ELL2: variants seen among roughly 807,000 people sequenced by gnomAD.
ELL2 encodes elongation factor for RNA polymerase II 2, also known as RNA polymerase II elongation factor ELL2.
A neutral mutation model predicts 72.8 loss-of-function variants in ELL2; 21 were observed. The ratio of observed to expected loss-of-function variants is 0.29; its 90% CI spans 0.20 to 0.42. The LOEUF (loss-of-function observed/expected upper bound fraction) is 0.42, where lower values mean the gene tolerates loss of function less well. ELL2 is among the 10% of genes least tolerant of loss of function. ELL2 has a pLI of 1.00. For synonymous variants in ELL2, 266 were observed against 283.2 expected (o/e 0.94, Z 0.61); for missense variants, 568 against 772.8 (o/e 0.73, Z 3.14).
At chr5:95,927,488 T>G (rs1263703455) in intron 2 of ELL2, among the ~76,000 whole-genome samples, 1 of 33,498 alleles carries the variant, frequency 3.0e-5, no homozygotes, top group Non-Finnish European at 4.9e-5. Context: ...CACACACGTG[T>G]GTATATAGAC....
At chr5:95,958,636 G>C (rs1297410338) in intron 1 of ELL2, among the ~76,000 whole-genome samples, 1 of 152,176 alleles carries the variant, frequency 6.6e-6, no homozygotes. Flanking sequence ...AGCTGGTTAA[G>C]GATGGTCAGC....
intron 1 of ELL2, among the ~76,000 whole-genome samples, chr5:95,954,765 C>T (rs960106132): frequency 4.6e-5 from 7 of 151,674 alleles, no homozygotes; most frequent in Non-Finnish European, 7.4e-5. Context: ...TCTATAGACT[C>T]TATTCATCTC....
chr5:95,907,296 A>ATATATATATATATATATTTTTT, intron 4 of ELL2, among the ~76,000 whole-genome samples: 37 of 116,478 alleles, frequency 3.2e-4, no homozygotes, highest in African/African-American at 1.3e-3. Flanking sequence ...ATATATATAT[A>ATATATATATATATATATTTTTT]TTTTTTTTTT....
At chr5:95,911,265 A>C (rs2112297668) in intron 4 of ELL2, among the ~76,000 whole-genome samples, 1 of 152,354 alleles carries the variant, frequency 6.6e-6, no homozygotes, top group East Asian at 1.9e-4. Context: ...ACAGTAAAAA[A>C]AAAAATCAAA....
intron 2 of ELL2, among the ~76,000 whole-genome samples, chr5:95,933,788 G>C (rs1023421430): frequency 4.7e-5 from 7 of 150,444 alleles, no homozygotes; most frequent in Admixed American, 4.6e-4. Flanking sequence ...CTTGAAAGAG[G>C]TTAGAGATTT....
intron 2 of ELL2, among the ~76,000 whole-genome samples, chr5:95,926,352 C>A (rs1750280768): frequency 6.6e-6 from 1 of 152,096 alleles, no homozygotes; most frequent in Non-Finnish European, 1.5e-5. Flanking sequence ...GAGGATCCAA[C>A]ACATATTAGA....
intron 2 of ELL2, among the ~76,000 whole-genome samples, chr5:95,921,513 A>G (rs921271085): frequency 6.6e-5 from 10 of 152,314 alleles, no homozygotes; most frequent in African/African-American, 2.4e-4. Flanking sequence ...CTTTGTGAAC[A>G]AGTCTTAATT....
chr5:95,948,451 A>AAAAAAAAAAAAAAC (rs1462863900), intron 1 of ELL2, among the ~76,000 whole-genome samples: 2 of 150,296 alleles, frequency 1.3e-5, no homozygotes, highest in Non-Finnish European at 3.0e-5. Context: ...AAAAAAAAAA[A>AAAAAAAAAAAAAAC]AAGCCACAGG....
chr5:95,930,451 C>T (rs1750555310), intron 2 of ELL2, among the ~76,000 whole-genome samples: 4 of 152,182 alleles, frequency 2.6e-5, no homozygotes, highest in African/African-American at 9.7e-5. Context: ...TACATGGTTT[C>T]ACCCCAACCT....
intron 4 of ELL2, among the ~76,000 whole-genome samples, chr5:95,911,322 C>A (rs1749585662): frequency 6.6e-6 from 1 of 150,460 alleles, no homozygotes; most frequent in South Asian, 2.1e-4. Context: ...CATTGCTCCC[C>A]TGTATTCAGA....
chr5:95,915,976 T>C (rs1319599075), intron 3 of ELL2, among the ~76,000 whole-genome samples: 1 of 151,436 alleles, frequency 6.6e-6, no homozygotes, highest in Admixed American at 6.6e-5. Context: ...TGCAGAAAGC[T>C]CAATCTGGAT....
intron 1 of ELL2, among the ~76,000 whole-genome samples, chr5:95,956,217 T>C (rs996312336): frequency 6.6e-6 from 1 of 152,220 alleles, no homozygotes; most frequent in African/African-American, 2.4e-5. Context: ...CCTGTCTATC[T>C]TTTTAGGCAA....
chr5:95,925,019 C>T (rs1395750906), intron 2 of ELL2, among the ~76,000 whole-genome samples: 1 of 152,196 alleles, frequency 6.6e-6, no homozygotes, highest in Non-Finnish European at 1.5e-5. Context: ...GCTGTTGGTA[C>T]CTTTACTGCA....
chr5:95,904,868 A>C (rs1250002666), intron 5 of ELL2, among the ~76,000 whole-genome samples: 1 of 152,136 alleles, frequency 6.6e-6, no homozygotes, highest in Admixed American at 6.5e-5. Context: ...AATATGCCTG[A>C]TATCTTTCTT....
chr5:95,923,606 C>A (rs1750178613), intron 2 of ELL2, among the ~76,000 whole-genome samples: 1 of 152,132 alleles, frequency 6.6e-6, no homozygotes, highest in Admixed American at 6.5e-5. Flanking sequence ...CCAGGCCAAT[C>A]AGAGTTCTAC....
Position 95,891,218 on chromosome 5 carries a change from T to A in ELL2, c.1646A>T (p.Asn549Ile), listed in dbSNP as rs766045933. 1.1e-5 allele frequency: 18 copies of A among 1,614,196 alleles called. No homozygotes were observed. Among genetic ancestry groups the A allele is most frequent in the Non-Finnish European group, 1.5e-5 (18 of 1,180,032 alleles). ...AGCTCTGTACTCATCATACTCTGCA[T>A]TGAAGTCATCCTTATAATTCTGGCG... Reference protein sequence around the residue: ...EQRQNYKDDFNAEYDEYRALH... With the variant: ...EQRQNYKDDFIAEYDEYRALH... The change falls in exon 10 of 12, where the codon AAT becomes ATT. Residue 549 changes from asparagine (N) to isoleucine (I), a missense_variant. By Grantham distance (149) the Asn-to-Ile change is moderately radical (BLOSUM62 -3). Transcript: ENST00000237853.
Position 95,886,339 on chromosome 5 carries a change from G to A in ELL2, c.*2532C>T, listed in dbSNP as rs1748464463. The A allele has an allele frequency of 6.6e-6, 1 of 152,032 alleles. No homozygotes were observed. Among genetic ancestry groups the A allele is most frequent in the African/African-American group, 2.4e-5 (1 of 41,362 alleles). The allele number at this position is 152,032 out of a possible 1,614,324, so 9.4% of individuals were successfully genotyped here. A position where few individuals can be genotyped will look rare whatever the true frequency, so the allele number is the denominator to read the frequency against. On this transcript the variant is annotated 3_prime_UTR_variant, in exon 12 of 12. Coordinates refer to ENST00000237853, the MANE Select transcript of ELL2 (RefSeq NM_012081.6). Reference sequence around the variant, plus strand: ...ATAATTTTCAAATTTACAACTAATAGACAGACACACTTTTGCAAGGATCTG... The same window carrying A: ...ATAATTTTCAAATTTACAACTAATAAACAGACACACTTTTGCAAGGATCTG...
At chr5:95,950,816 C>A (rs1170437682) in intron 1 of ELL2, among the ~76,000 whole-genome samples, 1 of 148,212 alleles carries the variant, frequency 6.7e-6, no homozygotes, top group South Asian at 2.1e-4. Flanking sequence ...TTAGCACAAT[C>A]CTTGTTTTGA....
rs1749686658 is a variant in ELL2, at chr5:95,913,761, C to T, written c.481+10G>A. The T allele has an allele frequency of 6.3e-7, 1 of 1,583,498 alleles. No individual in the cohort carries two copies. Among genetic ancestry groups the T allele is most frequent in the African/African-American group, 1.4e-5 (1 of 72,962 alleles). On this transcript the variant is annotated intron_variant, in intron 4 of 11. Transcript: ENST00000237853. Reference sequence around the variant, plus strand: ...CAATCAGCAAGAGGAAGAAAGATATCTATACAAACCTACATATGGTCCACC... The same window carrying T: ...CAATCAGCAAGAGGAAGAAAGATATTTATACAAACCTACATATGGTCCACC...
Sources: allele counts gnomAD v4.1 joint callset (sites outside exome capture counted in the v4.1 genomes callset), GRCh38; gene constraint gnomAD v4.1.1; transcripts MANE v1.5; gene names NCBI Gene and HGNC (gene_info 2026-07-23, HGNC 2026-07-21).